Variants in ZFP64 observed in about 807,000 individuals in gnomAD.
The protein encoded by ZFP64 is ZFP64 zinc finger protein.
In ZFP64, 14 loss-of-function variants were observed where a neutral mutation model predicts 51.6. The observed-to-expected ratio is 0.27, with a 90% CI of 0.18 to 0.42. The LOEUF (loss-of-function observed/expected upper bound fraction) is 0.42. ZFP64 is among the 10% of genes least tolerant of loss of function. The probability of loss-of-function intolerance (pLI) is 1.00; values close to 1 mark genes in which losing one functional copy is unlikely to be tolerated. For synonymous variants in ZFP64, 375 were observed against 361.4 expected, an observed-to-expected ratio of 1.04 and a Z score of -0.43; for missense variants, 754 against 906.8, an observed-to-expected ratio of 0.83 and a Z score of 2.16.
intron 5 of ZFP64, among the ~76,000 whole-genome samples, chr20:52,119,576 A>AACACACACACACACACATACATACAC (rs1555802580): frequency 0.14 from 18,725 of 131,896 alleles, 1,725 homozygotes; most frequent in Non-Finnish European, 0.2. Context: ...ATACACACAC[A>AACACACACACACACACATACATACAC]ACACACACAC....
chr20:52,189,138 ACGC>A (rs2123142590), intron 1 of ZFP64, among the ~76,000 whole-genome samples: 1 of 152,286 alleles, frequency 6.6e-6, no homozygotes, highest in South Asian at 2.1e-4. Context: ...AAGATGGCTC[ACGC>A]CTGTAACCCA....
At chr20:52,099,604 C>A (rs1264137938) in intron 5 of ZFP64, among the ~76,000 whole-genome samples, 1 of 152,134 alleles carries the variant, frequency 6.6e-6, no homozygotes, top group Non-Finnish European at 1.5e-5. Context: ...GGGTTTTATA[C>A]TTTGGTGTGA....
intron 5 of ZFP64, among the ~76,000 whole-genome samples, chr20:52,112,625 T>TTTTTC (rs1555881122): frequency 0.2 from 29,418 of 149,794 alleles, 3,081 homozygotes; most frequent in Admixed American, 0.26. Flanking sequence ...TTTTTTTTTT[T>TTTTTC]CTTTGTTGGG....
Position 52,085,348 on chromosome 20 carries a change from C to G in ZFP64, c.1229-82G>C, listed in dbSNP as rs1483288785. On this transcript the variant is annotated intron_variant, in intron 8 of 8. Coordinates refer to the ZFP64 transcript ENST00000361387. The surrounding 1 kb of genome is among the most constrained non-coding windows in gnomAD (Gnocchi z 4.3). The stretch of plus-strand genomic sequence containing the variant: ...CCCAACCTGCCTTAGCACACTTGGC[C>G]GCCATGAGATGGTTGGGTTTTGTGA... 2 of 1,418,934 alleles carry G rather than the reference C, an allele frequency of 1.4e-6. No homozygotes were observed. The highest frequency in any genetic ancestry group is 4.9e-5 in the East Asian group (2 of 40,720). 87.9% of individuals were successfully genotyped at this position (1,418,934 alleles called of 1,614,324 possible).
chr20:52,163,423 T>C (rs1158989528), intron 4 of ZFP64, among the ~76,000 whole-genome samples: 1 of 152,240 alleles, frequency 6.6e-6, no homozygotes, highest in Admixed American at 6.5e-5. Context: ...ATAATAAATA[T>C]GCTATGGCTT....
intron 5 of ZFP64, among the ~76,000 whole-genome samples, chr20:52,108,474 A>G (rs553120226): frequency 1.4e-4 from 22 of 151,866 alleles, no homozygotes; most frequent in Admixed American, 5.9e-4. Context: ...AAAACATCCA[A>G]TCAGAGTTCT....
downstream of ZFP64, among the ~76,000 whole-genome samples, chr20:52,147,777 G>A (rs1487955378): frequency 6.6e-6 from 1 of 152,146 alleles, no homozygotes; most frequent in Non-Finnish European, 1.5e-5. Context: ...CACTTTGGGA[G>A]GCCGAGGCAG....
At chr20:52,096,883 T>C (rs143547654) in intron 7 of ZFP64, 8 of 351,532 alleles carry the variant, frequency 2.3e-5, no homozygotes, top group African/African-American at 1.1e-4. Context: ...AGCAGGACTC[T>C]GTCTCAGAGA....
downstream of ZFP64, among the ~76,000 whole-genome samples, chr20:52,148,263 A>G (rs1317205929): frequency 6.6e-6 from 1 of 152,228 alleles, no homozygotes; most frequent in African/African-American, 2.4e-5. Context: ...TGGGAATCTC[A>G]GATCTATAAT....
At chr20:52,123,552 G>A (rs1352176896) in intron 5 of ZFP64, among the ~76,000 whole-genome samples, 1 of 152,176 alleles carries the variant, frequency 6.6e-6, no homozygotes, top group Admixed American at 6.6e-5. Context: ...TGAAGGCTAA[G>A]ATGATCACTA....
intron 2 of ZFP64, among the ~76,000 whole-genome samples, chr20:52,181,086 G>C (rs1260868826): frequency 6.6e-6 from 1 of 152,074 alleles, no homozygotes. Flanking sequence ...GGGATTACAG[G>C]CACCTGCCAC....
In ZFP64 at chr20:52,165,767, C is replaced by T. The variant is rs552406779; in HGVS notation, c.448+97G>A. 8.3e-5 allele frequency: 126 copies of T among 1,518,600 alleles called. 2 individuals are homozygous for T. The East Asian group carries it at 2.8e-3, about 34-fold the overall frequency. The allele number at this position is 1,518,600 out of a possible 1,614,324, so 94.1% of individuals were successfully genotyped here. On this transcript the variant is annotated intron_variant, in intron 3 of 5. Transcript: ENST00000216923. ...TTTTTATGCCAGGTAGTTTGGAACACATCCATGAGCAGTTGTCAGGAACTC... is the reference window on the plus strand; with the variant it reads ...TTTTTATGCCAGGTAGTTTGGAACATATCCATGAGCAGTTGTCAGGAACTC...
chr20:52,090,712 T>C (rs1057307179), intron 7 of ZFP64, among the ~76,000 whole-genome samples: 3 of 151,232 alleles, frequency 2.0e-5, no homozygotes, highest in African/African-American at 7.3e-5. Flanking sequence ...GGCAGGAGAA[T>C]GGCTTGAACC....
At chr20:52,180,832 T>C (rs1430228508) in intron 2 of ZFP64, among the ~76,000 whole-genome samples, 3 of 152,198 alleles carry the variant, frequency 2.0e-5, no homozygotes, top group African/African-American at 7.2e-5. Context: ...CAAGGTCACA[T>C]GGTCAGCAAG....
intron 5 of ZFP64, among the ~76,000 whole-genome samples, chr20:52,112,100 AC>A (rs747803878): frequency 0.028 from 2,807 of 98,492 alleles, 39 homozygotes; most frequent in Non-Finnish European, 0.046. Context: ...AAAAAAAAAA[AC>A]AAAAAAAAAA....
intron 7 of ZFP64, among the ~76,000 whole-genome samples, chr20:52,096,589 T>C (rs910611369): frequency 2.0e-5 from 3 of 152,228 alleles, no homozygotes; most frequent in African/African-American, 7.2e-5. Flanking sequence ...TGTAAAGGGC[T>C]AAGTAGTATT....
intron 5 of ZFP64, among the ~76,000 whole-genome samples, chr20:52,139,745 T>A (rs1198978832): frequency 6.6e-6 from 1 of 152,030 alleles, no homozygotes; most frequent in Non-Finnish European, 1.5e-5. Flanking sequence ...CAAAACCCAG[T>A]AACATCAGAA....
chr20:52,094,499 G>A (rs147144329), intron 7 of ZFP64, among the ~76,000 whole-genome samples: 419 of 152,282 alleles, frequency 2.8e-3, no homozygotes, highest in Non-Finnish European at 4.3e-3. Flanking sequence ...GGTGGCTCAC[G>A]CCTGTAATCC....
chr20:52,106,854 T>C (rs974701769), intron 5 of ZFP64, among the ~76,000 whole-genome samples: 1 of 152,178 alleles, frequency 6.6e-6, no homozygotes, highest in African/African-American at 2.4e-5. Flanking sequence ...CCCAGCACTT[T>C]GGGAGGCCGA....
Sources: gnomAD v4.1 joint callset for allele counts (sites outside exome capture counted in the v4.1 genomes callset) on GRCh38, gnomAD v4.1.1 for gene constraint, Gnocchi (gnomAD v3.1) non-coding constraint, MANE v1.5 for transcripts, NCBI Gene and HGNC (gene_info 2026-07-23, HGNC 2026-07-21) for gene names.